The following HOXC4 variants were observed in gnomAD, a reference collection of about 807,000 sequenced individuals.
The protein encoded by HOXC4 is homeobox C4.
Under a neutral mutation model 25.5 loss-of-function variants are expected in HOXC4, and 15 were observed. The ratio of observed to expected loss-of-function variants is 0.59; its 90% CI spans 0.39 to 0.91. The LOEUF is 0.91. Ranked by LOEUF, HOXC4 falls within the 40% of genes least tolerant of loss-of-function variation. The probability of loss-of-function intolerance (pLI) is 0.00; values close to 1 mark genes in which losing one functional copy is unlikely to be tolerated. For missense variants in HOXC4, 342 were observed against 352.4 expected, an observed-to-expected ratio of 0.97 and a Z score of 0.24; for synonymous variants, 165 against 148.0, an observed-to-expected ratio of 1.11 and a Z score of -0.83.
chr12:54,031,280 G>A (rs976248906), intron 1 of HOXC4, among the ~76,000 whole-genome samples: 3 of 152,230 alleles, frequency 2.0e-5, no homozygotes, highest in Non-Finnish European at 4.4e-5. Flanking sequence ...CCCCAGGCCC[G>A]CGCCAAGCTG....
intron 1 of HOXC4, among the ~76,000 whole-genome samples, chr12:54,018,834 C>T (rs1344924968): frequency 6.6e-6 from 1 of 152,124 alleles, no homozygotes; most frequent in Admixed American, 6.5e-5. Context: ...GCCAAGACAC[C>T]CCCTCTACCC....
At chr12:54,036,583 C>T (rs1053131187) in intron 1 of HOXC4, among the ~76,000 whole-genome samples, 13 of 152,194 alleles carry the variant, frequency 8.5e-5, no homozygotes, top group Admixed American at 1.3e-4. Flanking sequence ...GTGCCCACAA[C>T]TACCACCCTT....
At chr12:54,018,028 A>G (rs966954393) in intron 1 of HOXC4, among the ~76,000 whole-genome samples, 4 of 152,068 alleles carry the variant, frequency 2.6e-5, no homozygotes, top group African/African-American at 7.2e-5. Context: ...TTAATTGGCA[A>G]TTAGGGGGGA....
At chr12:54,028,929 T>C in intron 1 of HOXC4, 1 of 1,600,674 alleles carries the variant, frequency 6.2e-7, no homozygotes, top group South Asian at 1.1e-5. Flanking sequence ...GTGGTGAGTT[T>C]TACAGCTCCG....
intron 1 of HOXC4, among the ~76,000 whole-genome samples, chr12:54,036,838 G>A (rs1941193671): frequency 6.6e-6 from 1 of 152,208 alleles, no homozygotes; most frequent in Admixed American, 6.5e-5. Context: ...TGTGGCACCC[G>A]CACCCACCTG....
chr12:54,052,978 C>G (rs1454379900), upstream of HOXC4, among the ~76,000 whole-genome samples: 1 of 152,162 alleles, frequency 6.6e-6, no homozygotes, highest in Non-Finnish European at 1.5e-5. Context: ...TCCTCCTTGC[C>G]CCAGCTCCTT....
intron 1 of HOXC4, among the ~76,000 whole-genome samples, 171 bp from the exon 2 acceptor site, chr12:54,054,679 A>G (rs534234109): frequency 6.6e-6 from 1 of 152,222 alleles, no homozygotes; most frequent in African/African-American, 2.4e-5. Flanking sequence ...CCCTCTTATT[A>G]CACTACAAAG....
chr12:54,018,860 G>A (rs1266372492), intron 1 of HOXC4, among the ~76,000 whole-genome samples: 1 of 152,208 alleles, frequency 6.6e-6, no homozygotes, highest in African/African-American at 2.4e-5. Context: ...CTCTCCCAGA[G>A]GCGCGACTGG....
chr12:54,032,319 T>C (rs1052696748), intron 1 of HOXC4, among the ~76,000 whole-genome samples: 7 of 152,224 alleles, frequency 4.6e-5, no homozygotes, highest in Admixed American at 2.0e-4. Context: ...TCAGGATCCC[T>C]CCTCCTGGGC....
intron 1 of HOXC4, among the ~76,000 whole-genome samples, chr12:54,027,781 G>T (rs1466068158): frequency 6.6e-6 from 1 of 152,162 alleles, no homozygotes; most frequent in Non-Finnish European, 1.5e-5. Flanking sequence ...CTCTGCCACT[G>T]TACCCTGAAG....
At chr12:54,033,954 G>A (rs1263648906) in intron 1 of HOXC4, 9 of 522,562 alleles carry the variant, frequency 1.7e-5, no homozygotes, top group South Asian at 3.8e-5. Flanking sequence ...CAGCGACTCG[G>A]GAGGGGCGGG....
intron 1 of HOXC4, chr12:54,021,552 G>A (rs1291927785): frequency 6.6e-6 from 1 of 152,234 alleles, no homozygotes; most frequent in Non-Finnish European, 1.5e-5. Flanking sequence ...GGACCAGAGC[G>A]GGGCTGGAGG....
At chr12:54,029,933 G>C (rs201035626) in intron 1 of HOXC4, 4 of 1,596,478 alleles carry the variant, frequency 2.5e-6, no homozygotes, top group Non-Finnish European at 3.4e-6. Flanking sequence ...AAAGCGGGAA[G>C]AGACAGAAGA....
chr12:54,034,187 G>T (rs957035459), intron 1 of HOXC4: 18 of 1,260,124 alleles, frequency 1.4e-5, no homozygotes, highest in Admixed American at 1.0e-4. Flanking sequence ...TCTCCCTCCG[G>T]CCGCGGGTGG....
intron 1 of HOXC4, among the ~76,000 whole-genome samples, chr12:54,040,394 C>T (rs977709922): frequency 6.6e-6 from 1 of 152,220 alleles, no homozygotes; most frequent in Non-Finnish European, 1.5e-5. Context: ...CCCTCCCTTC[C>T]CACCACAGCC....
intron 1 of HOXC4, among the ~76,000 whole-genome samples, chr12:54,039,726 G>C (rs915245237): frequency 1.4e-4 from 22 of 151,886 alleles, no homozygotes; most frequent in African/African-American, 5.3e-4. Flanking sequence ...TCTGTAACTT[G>C]ACTCTTCCCC....
chr12:54,028,769 T>G, intron 1 of HOXC4: 2 of 1,614,038 alleles, frequency 1.2e-6, no homozygotes, highest in South Asian at 2.2e-5. Context: ...GAGAAAGACA[T>G]GCTCTCAAAC....
intron 1 of HOXC4, among the ~76,000 whole-genome samples, chr12:54,045,411 A>G (rs1034005725): frequency 6.6e-6 from 1 of 152,236 alleles, no homozygotes; most frequent in Non-Finnish European, 1.5e-5. Context: ...AGCTCTCTTG[A>G]AACACCTAAG....
chr12:54,053,804 T>A (rs2136467604), upstream of HOXC4: 1 of 729,860 alleles, frequency 1.4e-6, no homozygotes, highest in African/African-American at 1.8e-5. Context: ...TTGCTCCGTG[T>A]GATTGGCCGG....
Sources: gnomAD v4.1 joint callset for allele counts (sites outside exome capture counted in the v4.1 genomes callset) on GRCh38, gnomAD v4.1.1 for gene constraint, MANE v1.5 for transcripts, NCBI Gene and HGNC (gene_info 2026-07-23, HGNC 2026-07-21) for gene names.